CHD9: variants seen among roughly 807,000 people sequenced by gnomAD.
CHD9 encodes the protein chromodomain helicase DNA binding protein 9.
CHD9 carries 77 observed loss-of-function variants against 316.1 expected under a neutral mutation model. That is an observed-to-expected ratio of 0.24 (90% CI 0.20 to 0.29). The LOEUF (loss-of-function observed/expected upper bound fraction) is 0.29, where lower values mean the gene tolerates loss of function less well. Among genes scored for constraint, CHD9 ranks in the 10% least tolerant of loss-of-function variants. CHD9 has a pLI of 1.00. For missense variants in CHD9, 2,763 were observed against 3,438.1 expected (o/e 0.80, Z 4.91); for synonymous variants, 1,129 against 1,158.3 (o/e 0.97, Z 0.51).
At position 53,156,953 on chromosome 16, in the gene CHD9, G is replaced by T. The variant is rs2041561797; in HGVS notation, c.864G>T (p.Gln288His). Reference protein sequence around the residue: ...SNHISPNSLLQSSAVLASNHT... With the variant: ...SNHISPNSLLHSSAVLASNHT... ...ATATATCACCAAACAGTCTACTTCA[G>T]TCCTCTGCAGTTCTTGCATCTAATC... Residue 288 changes from glutamine (Q) to histidine (H), a missense_variant, in exon 2 of 39, where the codon CAG becomes CAT. Gln to His is a conservative substitution (Grantham distance 24, BLOSUM62 0). Around this residue, in one of 15 missense-constraint regions of CHD9, gnomAD observed 859 missense variants for 890.4 expected, o/e 0.96. Transcript: ENST00000447540. The T allele has an allele frequency of 1.9e-6, 3 of 1,613,372 alleles. No individual in the cohort carries two copies. In the East Asian group the frequency reaches 6.7e-5, roughly 36 times the overall value.
rs1360586445 is a variant in CHD9, at chr16:53,324,374, T to C, written c.8173T>C (p.Leu2725=). 7 of 1,613,868 alleles carry C rather than the reference T, an allele frequency of 4.3e-6. No homozygotes were observed. Among genetic ancestry groups the C allele is most frequent in the South Asian group, 1.1e-5 (1 of 91,084 alleles). ...LSGMAGLPNL[L]GMGGLLTKPT... Reference sequence around the variant, plus strand: ...AGGAATGGCTGGATTACCAAATCTGTTGGGCATGGGAGGACTCCTGACAAA... The same window carrying C: ...AGGAATGGCTGGATTACCAAATCTGCTGGGCATGGGAGGACTCCTGACAAA... Residue 2725 remains leucine, a synonymous_variant, in exon 39 of 39, where the codon TTG becomes CTG. Transcript: ENST00000447540.
chr16:53,128,144 G>A (rs1408414535), intron 1 of CHD9, among the ~76,000 whole-genome samples: 1 of 151,976 alleles, frequency 6.6e-6, no homozygotes, highest in African/African-American at 2.4e-5. Flanking sequence ...CAGATAACAG[G>A]GCCTCTTTAA....
intron 12 of CHD9, among the ~76,000 whole-genome samples, chr16:53,240,338 T>C (rs1008077400): frequency 1.3e-5 from 2 of 152,188 alleles, no homozygotes; most frequent in Non-Finnish European, 2.9e-5. Flanking sequence ...CAGAGATTTT[T>C]AACAAAGTTA....
intron 1 of CHD9, among the ~76,000 whole-genome samples, chr16:53,076,829 A>T (rs907120109): frequency 2.4e-5 from 2 of 82,690 alleles, no homozygotes; most frequent in Non-Finnish European, 5.4e-5. Context: ...TAATTTAAAA[A>T]ATGTATTTAT....
At chr16:53,137,568 C>A (rs1022612541) in intron 1 of CHD9, among the ~76,000 whole-genome samples, 3 of 152,130 alleles carry the variant, frequency 2.0e-5, no homozygotes, top group African/African-American at 7.2e-5. Context: ...AGTTACTTCA[C>A]ATTTAATTGT....
At chr16:53,095,627 A>G (rs1325590842) in intron 1 of CHD9, among the ~76,000 whole-genome samples, 1 of 152,132 alleles carries the variant, frequency 6.6e-6, no homozygotes, top group African/African-American at 2.4e-5. Context: ...TTTTCTCATA[A>G]TATTATGTGG....
chr16:53,171,808 C>A (rs2152782441), intron 2 of CHD9, among the ~76,000 whole-genome samples: 1 of 149,708 alleles, frequency 6.7e-6, no homozygotes, highest in Admixed American at 6.7e-5. Context: ...CAGAGGGAGA[C>A]CCTATCTCAA....
At chr16:53,203,479 T>A (rs1214318170) in intron 2 of CHD9, among the ~76,000 whole-genome samples, 1 of 152,166 alleles carries the variant, frequency 6.6e-6, no homozygotes, top group South Asian at 2.1e-4. Context: ...TTCTACATTG[T>A]CTCTCTAGGC....
At position 53,327,189 on chromosome 16, in the gene CHD9, T is replaced by G; in HGVS notation, c.*2294T>G. 1 of 152,548 alleles carries G rather than the reference T, an allele frequency of 6.6e-6. No homozygotes were observed. 9.4% of individuals were successfully genotyped at this position (152,548 alleles called of 1,614,324 possible). ...ATAAGGAAAAAAAAATCAGTAGAAT[T>G]ACATAATACTAAAGTTGCAGTTGAA... On this transcript the variant is annotated 3_prime_UTR_variant, in exon 39 of 39. Coordinates refer to ENST00000447540, the MANE Select transcript of CHD9 (RefSeq NM_001308319.2).
intron 13 of CHD9, among the ~76,000 whole-genome samples, chr16:53,244,192 C>CTTTT (rs529369708): frequency 7.4e-6 from 1 of 135,498 alleles, no homozygotes; most frequent in South Asian, 2.3e-4. Flanking sequence ...AAGCATATTT[C>CTTTT]TTTTTTTTTT....
At chr16:53,322,042 G>A (rs1448199596) in intron 38 of CHD9, among the ~76,000 whole-genome samples, 3 of 148,152 alleles carry the variant, frequency 2.0e-5, no homozygotes, top group South Asian at 2.1e-4. Context: ...CTGTCACCCA[G>A]GCTGGAGTGC....
At chr16:53,088,538 A>C (rs2035671505) in intron 1 of CHD9, among the ~76,000 whole-genome samples, 1 of 151,560 alleles carries the variant, frequency 6.6e-6, no homozygotes, top group African/African-American at 2.4e-5. Flanking sequence ...TCGGCCTCCC[A>C]AAGTGCTGGG....
At chr16:53,241,528 A>G (rs1194154476) in intron 12 of CHD9, among the ~76,000 whole-genome samples, 1 of 152,236 alleles carries the variant, frequency 6.6e-6, no homozygotes, top group Admixed American at 6.5e-5. Context: ...CTCCACATGG[A>G]TATGTCTAAT....
chr16:53,184,146 A>C (rs1362542538), intron 2 of CHD9, among the ~76,000 whole-genome samples: 1 of 151,998 alleles, frequency 6.6e-6, no homozygotes, highest in Non-Finnish European at 1.5e-5. Context: ...GGGTTTCACC[A>C]TGTTAGCCAG....
chr16:53,183,754 A>AAATAC (rs147690581), intron 2 of CHD9, among the ~76,000 whole-genome samples: 34,450 of 151,194 alleles, frequency 0.23, 4,383 homozygotes, highest in Middle Eastern at 0.32. Context: ...TCTGTACAAA[A>AAATAC]AATACAATAC....
Position 53,193,900 on chromosome 16 carries a change from A to T in CHD9, c.1453-15582A>T, listed in dbSNP as rs77784597. On this transcript the variant is annotated intron_variant, in intron 2 of 38. Coordinates refer to ENST00000447540, the MANE Select transcript of CHD9 (RefSeq NM_001308319.2). ...TTGAATGTGACCTTGGCTTGTAAAT[A>T]ACTATAATATACTATAGTAATATTA... is the stretch of plus-strand genomic sequence containing the variant. Among the ~76,000 whole-genome samples, 255 of 152,310 alleles carry T rather than the reference A, an allele frequency of 1.7e-3. 2 individuals are homozygous for T. Among genetic ancestry groups the T allele is most frequent in the African/African-American group, 5.9e-3 (246 of 41,570 alleles).
chr16:53,094,111 A>C (rs1208984656), intron 1 of CHD9, among the ~76,000 whole-genome samples: 2 of 152,184 alleles, frequency 1.3e-5, no homozygotes, highest in Admixed American at 1.3e-4. Flanking sequence ...GTGGCAGCTC[A>C]GCTGTCTGAG....
At chr16:53,131,672 T>C (rs1386825628) in intron 1 of CHD9, among the ~76,000 whole-genome samples, 1 of 151,682 alleles carries the variant, frequency 6.6e-6, no homozygotes, top group East Asian at 1.9e-4. Flanking sequence ...CCGGGTTGGG[T>C]TCCCTCCCGA....
At chr16:53,068,977 T>G (rs1375921803) in intron 1 of CHD9, among the ~76,000 whole-genome samples, 1 of 152,106 alleles carries the variant, frequency 6.6e-6, no homozygotes, top group Non-Finnish European at 1.5e-5. Flanking sequence ...TTTAACCATC[T>G]TAATGCATTT....
Sources: gnomAD v4.1 joint callset for allele counts (sites outside exome capture counted in the v4.1 genomes callset) on GRCh38, gnomAD v4.1.1 for gene constraint, gnomAD v4.1.1 regional missense constraint, MANE v1.5 for transcripts, NCBI Gene and HGNC (gene_info 2026-07-23, HGNC 2026-07-21) for gene names.